Variants in STARD5 observed in about 807,000 individuals in gnomAD.
STARD5 encodes StAR related lipid transfer domain containing 5.
Under a neutral mutation model 24.6 loss-of-function variants are expected in STARD5, and 26 were observed. The observed-to-expected ratio is 1.06, with a 90% confidence interval of 0.77 to 1.47. The LOEUF is 1.47. Ranked by LOEUF, STARD5 falls within the 40% of genes most tolerant of loss-of-function variation. STARD5 has a pLI of 0.00. For synonymous variants in STARD5, 101 were observed against 99.7 expected (o/e 1.01, Z -0.07); for missense variants, 254 against 270.8 (o/e 0.94, Z 0.44).
rs148137536 is a variant in STARD5 at position 81,322,883 on chromosome 15, C to T, written c.149+16G>A. ...TGCGGCACCTCTGGTAATCTTTGAA[C>T]GAGGCATGCACTTACAGGTTCCCTG... On this transcript the variant is annotated intron_variant, in intron 2 of 5. Transcript: ENST00000302824. The T allele has an allele frequency of 2.9e-3, 4,756 of 1,614,128 alleles. 40 individuals carry two copies. Among genetic ancestry groups the T allele is most frequent in the Middle Eastern group, 0.022 (133 of 6,062 alleles).
chr15:81,315,969 G>A (rs1406980488), intron 5 of STARD5, among the ~76,000 whole-genome samples: 1 of 152,134 alleles, frequency 6.6e-6, no homozygotes, highest in Non-Finnish European at 1.5e-5. Context: ...TTTATTCAGA[G>A]GAAAGTCCCC....
chr15:81,315,695 C>T (rs572349064), intron 5 of STARD5, among the ~76,000 whole-genome samples: 1 of 152,102 alleles, frequency 6.6e-6, no homozygotes, highest in South Asian at 2.1e-4. Flanking sequence ...CTCAACACCA[C>T]CTCACCCCCA....
rs562931592 is a variant in STARD5, at chr15:81,317,112, G to A, written c.494+1297C>T. On this transcript the variant is annotated intron_variant, in intron 5 of 5. Transcript: ENST00000302824. The stretch of plus-strand genomic sequence containing the variant: ...CTCGGGAGGCTGAGGCAGGAGAATC[G>A]CTTGAGCCTGGGAGGCAGAGGTTGC... Among the ~76,000 whole-genome samples, 305 of 150,604 alleles carry A rather than the reference G, an allele frequency of 2.0e-3. 1 individual carries two copies. The highest frequency in any genetic ancestry group is 6.9e-3 in the African/African-American group (281 of 40,640).
At chr15:81,314,111 G>C (rs1359328902) in intron 5 of STARD5, 2 of 152,116 alleles carry the variant, frequency 1.3e-5, no homozygotes, top group Non-Finnish European at 2.9e-5. Context: ...AAATTTACCA[G>C]TTACAATTTC....
At chr15:81,316,719 A>G (rs1901090185) in intron 5 of STARD5, among the ~76,000 whole-genome samples, 1 of 152,208 alleles carries the variant, frequency 6.6e-6, no homozygotes, top group Admixed American at 6.5e-5. Flanking sequence ...GAGAATAATC[A>G]TTGTCACAGA....
At chr15:81,318,602 C>T in intron 4 of STARD5, 100 bp from the exon 5 acceptor site, 1 of 1,077,616 alleles carries the variant, frequency 9.3e-7, no homozygotes, top group Non-Finnish European at 1.4e-6. Context: ...ACCTGCAGCC[C>T]TGGAGTCTGT....
In STARD5 at chr15:81,313,122, A is replaced by G; in HGVS notation, c.*134T>C. 1 of 1,111,538 alleles carries G rather than the reference A, an allele frequency of 9.0e-7. No individual in the cohort carries two copies. The highest frequency in any genetic ancestry group is 1.2e-6 in the Non-Finnish European group (1 of 826,280). The allele number at this position is 1,111,538 out of a possible 1,614,324, so 68.9% of individuals were successfully genotyped here. On this transcript the variant is annotated 3_prime_UTR_variant, in exon 6 of 6. Coordinates refer to ENST00000302824, the MANE Select transcript of STARD5 (RefSeq NM_181900.3). ...GCTGCCGCCTCTGGTTGGCATTCTC[A>G]GAGATGCGCAGTCCATCAGCTTGTT...
In STARD5 at chr15:81,310,550, G is replaced by A. The variant is rs1900796043; in HGVS notation, c.*2706C>T. 6.6e-6 allele frequency: 1 copy of A among 152,164 alleles called. No homozygotes were observed. Among genetic ancestry groups the A allele is most frequent in the African/African-American group, 2.4e-5 (1 of 41,434 alleles). The allele number at this position is 152,164 out of a possible 1,614,324, so 9.4% of individuals were successfully genotyped here. Reference sequence around the variant, plus strand: ...ACTTTTTAGACTTAATAGAAACATTGAAGATGAACATAATCTACCAACGAA... The same window carrying A: ...ACTTTTTAGACTTAATAGAAACATTAAAGATGAACATAATCTACCAACGAA... On this transcript the variant is annotated 3_prime_UTR_variant, in exon 6 of 6. Transcript: ENST00000302824.
intron 2 of STARD5, 91 bp from the exon 3 acceptor site, chr15:81,322,631 T>C: frequency 2.5e-6 from 4 of 1,581,138 alleles, no homozygotes; most frequent in Non-Finnish European, 3.5e-6. Flanking sequence ...GACCATGCCA[T>C]GTCTGTCACT....
At chr15:81,318,605 G>A in intron 4 of STARD5, 103 bp from the exon 5 acceptor site, 1 of 1,012,326 alleles carries the variant, frequency 9.9e-7, no homozygotes, top group Non-Finnish European at 1.5e-6. Context: ...TGCAGCCCTG[G>A]AGTCTGTGAG....
At chr15:81,317,056 G>A (rs1428751630) in intron 5 of STARD5, among the ~76,000 whole-genome samples, 1 of 152,024 alleles carries the variant, frequency 6.6e-6, no homozygotes, top group African/African-American at 2.4e-5. Flanking sequence ...AATTAGCCAG[G>A]CATGGTGGCA....
chr15:81,321,252 G>A (rs181573749), intron 3 of STARD5, among the ~76,000 whole-genome samples: 1 of 152,214 alleles, frequency 6.6e-6, no homozygotes, highest in East Asian at 1.9e-4. Flanking sequence ...ATATTTATCA[G>A]AATTTATAAT....
Position 81,313,140 on chromosome 15 carries a change from A to T in STARD5, c.*116T>A. 8.0e-7 allele frequency: 1 copy of T among 1,249,118 alleles called. No homozygotes were observed. The highest frequency in any genetic ancestry group is 1.1e-6 in the Non-Finnish European group (1 of 935,294). 77.4% of individuals were successfully genotyped at this position (1,249,118 alleles called of 1,614,324 possible). ...CATTCTCAGAGATGCGCAGTCCATC[A>T]GCTTGTTCCAAAGAGTGAACACAGG... On this transcript the variant is annotated 3_prime_UTR_variant, in exon 6 of 6. Transcript: ENST00000302824.
rs552633337 is a variant in STARD5 at position 81,323,105 on chromosome 15, G to T, written c.100-157C>A. 4.3e-6 allele frequency: 3 copies of T among 700,404 alleles called. No individual in the cohort carries two copies. The African/African-American group carries it at 5.4e-5, about 13-fold the overall frequency. The allele number at this position is 700,404 out of a possible 1,614,324, so 43.4% of individuals were successfully genotyped here. On this transcript the variant is annotated intron_variant, in intron 1 of 5. Coordinates refer to ENST00000302824, the MANE Select transcript of STARD5 (RefSeq NM_181900.3). ...CGTGGAAAAGCTGGGACTAGTCTTG[G>T]GCAAAGCTGTCCCCACAGCAGAATG...
At chr15:81,316,323 T>G (rs1901082283) in intron 5 of STARD5, among the ~76,000 whole-genome samples, 1 of 152,128 alleles carries the variant, frequency 6.6e-6, no homozygotes, top group South Asian at 2.1e-4. Flanking sequence ...CTACTTACAT[T>G]TGTGTTTTGT....
chr15:81,319,919 G>A (rs1036463034), intron 3 of STARD5, among the ~76,000 whole-genome samples: 2 of 152,144 alleles, frequency 1.3e-5, no homozygotes, highest in Admixed American at 6.5e-5. Flanking sequence ...AGGGAAGAGA[G>A]GCCACTCTTT....
intron 1 of STARD5, 132 bp downstream of exon 1, chr15:81,323,868 GA>G: frequency 1.1e-6 from 1 of 898,680 alleles, no homozygotes; most frequent in South Asian, 1.5e-5. Context: ...ATCCCCATTG[GA>G]ATCCCTCTCA....
chr15:81,316,988 G>A (rs1237871516), intron 5 of STARD5, among the ~76,000 whole-genome samples: 2 of 152,062 alleles, frequency 1.3e-5, no homozygotes, highest in African/African-American at 4.8e-5. Context: ...TTTGAGGTCA[G>A]GAGTTCAAGA....
At chr15:81,316,760 G>C (rs377623566) in intron 5 of STARD5, among the ~76,000 whole-genome samples, 7 of 152,174 alleles carry the variant, frequency 4.6e-5, no homozygotes, top group East Asian at 3.9e-4. Context: ...GAGAATAACT[G>C]CACACAGCAG....
Sources: gnomAD v4.1 joint callset for allele counts (sites outside exome capture counted in the v4.1 genomes callset) on GRCh38, gnomAD v4.1.1 for gene constraint, MANE v1.5 for transcripts, NCBI Gene and HGNC (gene_info 2026-07-23, HGNC 2026-07-21) for gene names.